Variants in KLF14 observed in about 807,000 individuals in gnomAD.
KLF14 encodes KLF transcription factor 14.
In KLF14, 13 loss-of-function variants were observed where a neutral mutation model predicts 16.2. That is an observed-to-expected ratio of 0.80 (90% CI 0.52 to 1.28). The LOEUF (loss-of-function observed/expected upper bound fraction) is 1.28, where lower values mean the gene tolerates loss of function less well. Among genes scored for constraint, KLF14 ranks in the 50% most tolerant of loss-of-function variants. The probability of loss-of-function intolerance (pLI) is 0.00; values close to 1 mark genes in which losing one functional copy is unlikely to be tolerated. For missense variants in KLF14, 571 were observed against 493.4 expected (o/e 1.16, Z -1.49); for synonymous variants, 276 against 233.7 (o/e 1.18, Z -1.65).
At position 130,733,106 on chromosome 7, in the gene KLF14, CGGAGGCGGAGCT is replaced by C; in HGVS notation, c.916_927del (p.Ser306_Ser309del). 1 of 1,584,868 alleles carries C rather than the reference CGGAGGCGGAGCT, an allele frequency of 6.3e-7. No individual in the cohort carries two copies. Among genetic ancestry groups the C allele is most frequent in the Non-Finnish European group, 8.6e-7 (1 of 1,164,274 alleles). ...CTGGGCGCCGGGCCGGGACCGGAGC[CGGAGGCGGAGCT>C]TTCCACCTCGCTGGTGAGTGGCGGG... On this transcript the variant is annotated inframe_deletion, in exon 1 of 1. Transcript: ENST00000583337. This position sits in a 1 kb window ranked among gnomAD's most constrained non-coding sequence, Gnocchi z 5.2.
chr7:130,731,354 T>A lies in KLF14; in HGVS notation c.*1708A>T, dbSNP rs1797184968. On this transcript the variant is annotated 3_prime_UTR_variant, in exon 1 of 1. Coordinates refer to ENST00000583337, the MANE Select transcript of KLF14 (RefSeq NM_138693.4). ...ATAGGCAAAGGGTTCAATCAACATG[T>A]GAAGGTACACAGAAGCAATACAGAA... 6.6e-6 allele frequency: 1 copy of A among 152,038 alleles called. No homozygotes were observed. Among genetic ancestry groups the A allele is most frequent in the Non-Finnish European group, 1.5e-5 (1 of 68,052 alleles). The allele number at this position is 152,038 out of a possible 1,614,324, so 9.4% of individuals were successfully genotyped here.
In KLF14 at chr7:130,733,679, G is replaced by A. The variant is rs76509441; in HGVS notation, c.355C>T (p.Pro119Ser). 20,841 of 1,571,150 alleles carry A rather than the reference G, an allele frequency of 0.013. 1,769 individuals carry two copies. In the African/African-American group the frequency reaches 0.21, roughly 16 times the overall value. Reference protein sequence around the residue: ...RASSGFSDPIPCSVQTPCSEL... With the variant: ...RASSGFSDPISCSVQTPCSEL... ...GAGCACGGGGTCTGGACGGAGCACGGGATCGGGTCGGAGAAGCCGGACGAG... is the reference window on the plus strand; with the variant it reads ...GAGCACGGGGTCTGGACGGAGCACGAGATCGGGTCGGAGAAGCCGGACGAG... Residue 119 changes from proline (P) to serine (S), a missense_variant, in exon 1 of 1, where the codon CCG becomes TCG. By Grantham distance (74) the Pro-to-Ser change is moderately conservative (BLOSUM62 -1). Transcript: ENST00000583337. The surrounding 1 kb of genome is among the most constrained non-coding windows in gnomAD (Gnocchi z 5.2).
At position 130,733,519 on chromosome 7, in the gene KLF14, C is replaced by A. The variant is rs782769355; in HGVS notation, c.515G>T (p.Gly172Val). Residue 172 changes from glycine to valine, a missense_variant, in exon 1 of 1, where the codon GGG becomes GTG. Gly to Val is a moderately radical substitution (Grantham distance 109). Transcript: ENST00000583337. The surrounding 1 kb of genome is among the most constrained non-coding windows in gnomAD (Gnocchi z 5.2). ...ATCCGCGGCGGGGGCGGGGCCTGCC[C>A]CTAGGGCCCCTCCAGAGAACCCACC... is the stretch of plus-strand genomic sequence containing the variant. The part of the protein sequence containing the change: ...ASGGFSGGAL[G>V]AGPAPAADQA... The A allele has an allele frequency of 3.2e-5, 50 of 1,581,154 alleles. No homozygotes were observed. In the East Asian group the frequency reaches 6.0e-4, roughly 19 times the overall value.
Position 130,733,219 on chromosome 7 carries a change from T to C in KLF14, c.815A>G (p.Lys272Arg). 2 of 1,608,624 alleles carry C rather than the reference T, an allele frequency of 1.2e-6. No individual in the cohort carries two copies. The highest frequency in any genetic ancestry group is 1.7e-6 in the Non-Finnish European group (2 of 1,177,694). Residue 272 changes from lysine (K) to arginine (R), a missense_variant, in exon 1 of 1, where the codon AAG becomes AGG. Lys to Arg is a conservative substitution (Grantham distance 26). Transcript: ENST00000583337. This position sits in a 1 kb window ranked among gnomAD's most constrained non-coding sequence, Gnocchi z 5.2. ...KQFSRSDHLT[K>R]HARRHPTYHP... The stretch of plus-strand genomic sequence containing the variant: ...ATAGGTTGGGTGGCGGCGAGCATGC[T>C]TGGTCAGGTGGTCGCTCCGGGAGAA...
chr7:130,734,091 G>T lies in KLF14; in HGVS notation c.-58C>A. 1 of 1,019,740 alleles carries T rather than the reference G, an allele frequency of 9.8e-7. No homozygotes were observed. The highest frequency in any genetic ancestry group is 1.2e-6 in the Non-Finnish European group (1 of 817,352). 63.2% of individuals were successfully genotyped at this position (1,019,740 alleles called of 1,614,324 possible). ...CCGAACGCGGCCGGCCGCGGGCGAC[G>T]GAGTTCCCGGGAGCGTCCGTCCCGC... On this transcript the variant is annotated 5_prime_UTR_variant, in exon 1 of 1. Coordinates refer to ENST00000583337, the MANE Select transcript of KLF14 (RefSeq NM_138693.4). The surrounding 1 kb of genome is among the most constrained non-coding windows in gnomAD (Gnocchi z 4.4).
At position 130,733,240 on chromosome 7, in the gene KLF14, G is replaced by C. The variant is rs1554470823; in HGVS notation, c.794C>G (p.Ser265Cys). Residue 265 changes from serine (S) to cysteine (C), a missense_variant, in exon 1 of 1, where the codon TCC becomes TGC. Transcript: ENST00000583337. This position sits in a 1 kb window ranked among gnomAD's most constrained non-coding sequence, Gnocchi z 5.2. The stretch of plus-strand genomic sequence containing the variant: ...ATGCTTGGTCAGGTGGTCGCTCCGG[G>C]AGAACTGCTTGGGGCAGAGGGGGCA... ...FSCPLCPKQFSRSDHLTKHAR... is the reference protein window; with the variant it reads ...FSCPLCPKQFCRSDHLTKHAR... The C allele has an allele frequency of 1.2e-6, 2 of 1,611,696 alleles. No individual in the cohort carries two copies. Among genetic ancestry groups the C allele is most frequent in the Non-Finnish European group, 1.7e-6 (2 of 1,178,976 alleles).
Position 130,733,584 on chromosome 7 carries a change from G to C in KLF14, c.450C>G (p.Val150=), listed in dbSNP as rs1045055621. 2.6e-5 allele frequency: 41 copies of C among 1,548,704 alleles called. No individual in the cohort carries two copies. Among genetic ancestry groups the C allele is most frequent in the Non-Finnish European group, 3.4e-5 (39 of 1,147,864 alleles). ...APESSSDAPA[V]PSAPAAPGAP... is the part of the protein sequence containing the mutation. ...CGCCCGGGGCAGCAGGCGCGCTTGG[G>C]ACGGCGGGCGCATCGGAGGAGCTCT... Residue 150 remains valine (V), a synonymous_variant, in exon 1 of 1, where the codon GTC becomes GTG. Transcript: ENST00000583337. The surrounding 1 kb of genome is among the most constrained non-coding windows in gnomAD (Gnocchi z 5.2).
Position 130,731,422 on chromosome 7 carries a change from G to C in KLF14, c.*1640C>G, listed in dbSNP as rs1356265243. 3 of 152,294 alleles carry C rather than the reference G, an allele frequency of 2.0e-5. No homozygotes were observed. The highest frequency in any genetic ancestry group is 4.4e-5 in the Non-Finnish European group (3 of 68,134). 9.4% of individuals were successfully genotyped at this position (152,294 alleles called of 1,614,324 possible). A position where few individuals can be genotyped will look rare whatever the true frequency, so the allele number is the denominator to read the frequency against. ...ACTAAGATCCCAGAGAGGAGGAAGA[G>C]ATGGGGGTAATCAAGTGTGAGGGAA... On this transcript the variant is annotated 3_prime_UTR_variant, in exon 1 of 1. Coordinates refer to ENST00000583337, the MANE Select transcript of KLF14 (RefSeq NM_138693.4).
At position 130,733,094 on chromosome 7, in the gene KLF14, C is replaced by G; in HGVS notation, c.940G>C (p.Gly314Arg). ...VESSASGSGP[G>R]PAPSFTTCL ...CAGGTGGTGAAGCTGGGCGCCGGGCCGGGACCGGAGCCGGAGGCGGAGCTT... is the reference window on the plus strand; with the variant it reads ...CAGGTGGTGAAGCTGGGCGCCGGGCGGGGACCGGAGCCGGAGGCGGAGCTT... The change falls in exon 1 of 1, where the codon GGC (glycine) becomes CGC (arginine). Residue 314 changes from glycine (G) to arginine (R), a missense_variant. Transcript: ENST00000583337. This position sits in a 1 kb window ranked among gnomAD's most constrained non-coding sequence, Gnocchi z 5.2. The G allele has an allele frequency of 6.3e-7, 1 of 1,578,146 alleles. No individual in the cohort carries two copies. The highest frequency in any genetic ancestry group is 1.2e-5 in the South Asian group (1 of 84,422).
chr7:130,733,484 G>C lies in KLF14; in HGVS notation c.550C>G (p.Arg184Gly), dbSNP rs782567318. The C allele has an allele frequency of 6.3e-5, 101 of 1,609,774 alleles. No homozygotes were observed. Among genetic ancestry groups the C allele is most frequent in the Non-Finnish European group, 7.6e-5 (89 of 1,178,554 alleles). ...GCAGCAGGTGTGACAGACCTCCTCC[G>C]GGGCGCCTGATCCGCGGCGGGGGCG... ...GPAPAADQAPRRRSVTPAAKR... is the reference protein window; with the variant it reads ...GPAPAADQAPGRRSVTPAAKR... Residue 184 changes from arginine (R) to glycine (G), a missense_variant, in exon 1 of 1, where the codon CGG (arginine) becomes GGG (glycine). Coordinates refer to ENST00000583337, the MANE Select transcript of KLF14 (RefSeq NM_138693.4). This position sits in a 1 kb window ranked among gnomAD's most constrained non-coding sequence, Gnocchi z 5.2.
chr7:130,731,736 T>C lies in KLF14; in HGVS notation c.*1326A>G, dbSNP rs528160922. On this transcript the variant is annotated 3_prime_UTR_variant, in exon 1 of 1. Transcript: ENST00000583337. ...AAAGGGTCACATATATACACATTCA[T>C]ACATACACAAGCAGAGTGGTCAGTG... is the stretch of plus-strand genomic sequence containing the variant. The C allele has an allele frequency of 6.6e-6, 1 of 152,264 alleles. No individual in the cohort carries two copies. The highest frequency in any genetic ancestry group is 2.1e-4 in the South Asian group (1 of 4,824). The allele number at this position is 152,264 out of a possible 1,614,324, so 9.4% of individuals were successfully genotyped here.
chr7:130,733,860 C>T lies in KLF14; in HGVS notation c.174G>A (p.Pro58=), dbSNP rs1371899984. 2.2e-6 allele frequency: 3 copies of T among 1,341,318 alleles called. No individual in the cohort carries two copies. The highest frequency in any genetic ancestry group is 4.1e-5 in the Admixed American group (1 of 24,546). 83.1% of individuals were successfully genotyped at this position (1,341,318 alleles called of 1,614,324 possible). The change falls in exon 1 of 1, where the codon CCG becomes CCA. Residue 58 remains proline (P), a synonymous_variant. Coordinates refer to ENST00000583337, the MANE Select transcript of KLF14 (RefSeq NM_138693.4). The surrounding 1 kb of genome is among the most constrained non-coding windows in gnomAD (Gnocchi z 5.2). ...PESALPGPGP[P]GPASVPQLPQ... The stretch of plus-strand genomic sequence containing the variant: ...GGAGCTGGGGGACCGACGCGGGCCC[C>T]GGTGGCCCCGGACCCGGCAGAGCGG...
rs782482179 is a variant in KLF14, at chr7:130,733,302, G to A, written c.732C>T (p.Arg244=). The A allele has an allele frequency of 2.5e-6, 4 of 1,607,846 alleles. No homozygotes were observed. In the South Asian group the frequency reaches 4.4e-5, roughly 18 times the overall value. The change falls in exon 1 of 1, where the codon CGC becomes CGT. Residue 244 remains arginine, a synonymous_variant. Transcript: ENST00000583337. This position sits in a 1 kb window ranked among gnomAD's most constrained non-coding sequence, Gnocchi z 5.2. ...KKFTRSDELA[R]HYRTHTGEKR... ...TCTCGCCCGTGTGCGTCCTGTAGTG[G>A]CGGGCCAGCTCGTCGGAACGCGTAA...
In KLF14 at chr7:130,732,746, T is replaced by C. The variant is rs1584665213; in HGVS notation, c.*316A>G. On this transcript the variant is annotated 3_prime_UTR_variant, in exon 1 of 1. Coordinates refer to ENST00000583337, the MANE Select transcript of KLF14 (RefSeq NM_138693.4). ...GGCATCTGAGAATTCCAGTTTCACA[T>C]CCCTGGTTCCAGGGAGGGGAGAATC... 3.9e-6 allele frequency: 1 copy of C among 255,426 alleles called. No homozygotes were observed. Among genetic ancestry groups the C allele is most frequent in the East Asian group, 7.0e-5 (1 of 14,226 alleles). The allele number at this position is 255,426 out of a possible 1,614,324, so 15.8% of individuals were successfully genotyped here.
Position 130,734,057 on chromosome 7 carries a change from G to T in KLF14, c.-24C>A. The stretch of plus-strand genomic sequence containing the variant: ...ATGCTGGGACCGCCCGGCCGCCGGC[G>T]AGCGCCGTCCGAACGCGGCCGGCCG... On this transcript the variant is annotated 5_prime_UTR_variant, in exon 1 of 1. Transcript: ENST00000583337. The surrounding 1 kb of genome is among the most constrained non-coding windows in gnomAD (Gnocchi z 4.4). 1 of 1,207,756 alleles carries T rather than the reference G, an allele frequency of 8.3e-7. No homozygotes were observed. Among genetic ancestry groups the T allele is most frequent in the Middle Eastern group, 3.4e-4 (1 of 2,966 alleles). 74.8% of individuals were successfully genotyped at this position (1,207,756 alleles called of 1,614,324 possible).
chr7:130,733,587 G>T lies in KLF14; in HGVS notation c.447C>A (p.Ala149=). The part of the protein sequence containing the change: ...CAPESSSDAP[A]VPSAPAAPGA... ...CCGGGGCAGCAGGCGCGCTTGGGAC[G>T]GCGGGCGCATCGGAGGAGCTCTCGG... The change falls in exon 1 of 1, where the codon GCC becomes GCA. Residue 149 remains alanine (A), a synonymous_variant. Coordinates refer to ENST00000583337, the MANE Select transcript of KLF14 (RefSeq NM_138693.4). This position sits in a 1 kb window ranked among gnomAD's most constrained non-coding sequence, Gnocchi z 5.2. The T allele has an allele frequency of 6.5e-7, 1 of 1,548,594 alleles. No individual in the cohort carries two copies. The highest frequency in any genetic ancestry group is 8.7e-7 in the Non-Finnish European group (1 of 1,147,826).
chr7:130,733,186 T>C lies in KLF14; in HGVS notation c.848A>G (p.Asp283Gly). 1.3e-6 allele frequency: 2 copies of C among 1,598,048 alleles called. No individual in the cohort carries two copies. Among genetic ancestry groups the C allele is most frequent in the South Asian group, 1.1e-5 (1 of 88,822 alleles). Residue 283 changes from aspartate to glycine, a missense_variant, in exon 1 of 1, where the codon GAT becomes GGT. Asp to Gly is a moderately conservative substitution (Grantham distance 94). Transcript: ENST00000583337. This position sits in a 1 kb window ranked among gnomAD's most constrained non-coding sequence, Gnocchi z 5.2. ...HARRHPTYHPDMIEYRGRRRT... is the reference protein window; with the variant it reads ...HARRHPTYHPGMIEYRGRRRT... ...ACGACGTCCCCGGTACTCGATCATA[T>C]CTGGATGATAGGTTGGGTGGCGGCG... is the stretch of plus-strand genomic sequence containing the variant.
chr7:130,733,938 G>A lies in KLF14; in HGVS notation c.96C>T (p.Pro32=). ...AGCCAGCGGCTCCACCCGCGCCCTC[G>A]GGGTCCGGCGGGCGGCGGTGAACCA... ...GAVVHRRPPD[P]EGAGGAAGSE... Residue 32 remains proline (P), a synonymous_variant, in exon 1 of 1, where the codon CCC becomes CCT. Transcript: ENST00000583337. This position sits in a 1 kb window ranked among gnomAD's most constrained non-coding sequence, Gnocchi z 5.2. 7.4e-7 allele frequency: 1 copy of A among 1,357,004 alleles called. No individual in the cohort carries two copies. Among genetic ancestry groups the A allele is most frequent in the Non-Finnish European group, 9.5e-7 (1 of 1,052,592 alleles). The allele number at this position is 1,357,004 out of a possible 1,614,324, so 84.1% of individuals were successfully genotyped here. A position where few individuals can be genotyped will look rare whatever the true frequency, so the allele number is the denominator to read the frequency against.
In KLF14 at chr7:130,733,287, GTGCGTCC is replaced by G. The variant is rs1315411535; in HGVS notation, c.740_746del (p.Arg247ThrfsTer22). The G allele has an allele frequency of 1.2e-6, 2 of 1,613,826 alleles. No individual in the cohort carries two copies. Among genetic ancestry groups the G allele is most frequent in the East Asian group, 4.5e-5 (2 of 44,874 alleles). ...GGCAGGAGAAGCGCTTCTCGCCCGT[GTGCGTCC>G]TGTAGTGGCGGGCCAGCTCGTCGGA... On this transcript the variant is annotated frameshift_variant, in exon 1 of 1. Coordinates refer to ENST00000583337, the MANE Select transcript of KLF14 (RefSeq NM_138693.4). LOFTEE classifies it high-confidence loss of function. This position sits in a 1 kb window ranked among gnomAD's most constrained non-coding sequence, Gnocchi z 5.2.
Sources: gnomAD v4.1 joint callset for allele counts on GRCh38, gnomAD v4.1.1 for gene constraint, Gnocchi (gnomAD v3.1) non-coding constraint, MANE v1.5 for transcripts, NCBI Gene and HGNC (gene_info 2026-07-23, HGNC 2026-07-21) for gene names.